The following C11orf65 variants were observed in gnomAD, a reference collection of about 807,000 sequenced individuals.
C11orf65 encodes protein MFI.
Under a neutral mutation model 35.3 loss-of-function variants are expected in C11orf65, and 38 were observed. The observed-to-expected ratio is 1.08, with a 90% CI of 0.83 to 1.41. The LOEUF is 1.41. Ranked by LOEUF, C11orf65 falls within the 40% of genes most tolerant of loss-of-function variation. The pLI is 0.00. For synonymous variants in C11orf65, 105 were observed against 114.4 expected, an observed-to-expected ratio of 0.92 and a Z score of 0.53; for missense variants, 370 against 367.1, an observed-to-expected ratio of 1.01 and a Z score of -0.06.
intron 3 of C11orf65, among the ~76,000 whole-genome samples, chr11:108,411,404 A>G (rs576060420): frequency 1.3e-5 from 2 of 152,328 alleles, no homozygotes; most frequent in Non-Finnish European, 1.5e-5. Flanking sequence ...ATTACGGGAA[A>G]CATTTTCTGT....
At chr11:108,409,415 T>A (rs993700918) in intron 3 of C11orf65, among the ~76,000 whole-genome samples, 1 of 152,194 alleles carries the variant, frequency 6.6e-6, no homozygotes, top group Non-Finnish European at 1.5e-5. Flanking sequence ...AGTATACAGA[T>A]GGCCCCGACT....
At position 108,448,826 on chromosome 11, in the gene C11orf65, A is replaced by G. The variant is rs528906439; in HGVS notation, c.81+12653T>C. ...AGGAAATAAAGGGTATTCAATTAGGAAAAGAGGAAGTCAAATTGTCCCTGT... is the reference window on the plus strand; with the variant it reads ...AGGAAATAAAGGGTATTCAATTAGGGAAAGAGGAAGTCAAATTGTCCCTGT... On this transcript the variant is annotated intron_variant, in intron 2 of 8. Coordinates refer to ENST00000393084, the MANE Select transcript of C11orf65 (RefSeq NM_152587.5). Among the ~76,000 whole-genome samples the G allele has an allele frequency of 2.0e-5, 3 of 152,298 alleles. No individual in the cohort carries two copies. The East Asian group carries it at 5.8e-4, about 29-fold the overall frequency.
chr11:108,408,562 G>A (rs1591489140), intron 3 of C11orf65, among the ~76,000 whole-genome samples: 1 of 151,594 alleles, frequency 6.6e-6, no homozygotes, highest in Non-Finnish European at 1.5e-5. Context: ...TGTAATTCCA[G>A]CTACTCTGGA....
rs1183068396 is a variant in C11orf65, at chr11:108,453,113, C to T, written c.81+8366G>A. On this transcript the variant is annotated intron_variant, in intron 2 of 8. Coordinates refer to ENST00000393084, the MANE Select transcript of C11orf65 (RefSeq NM_152587.5). ...ATGTATACATTTGTAACAACCTGCA[C>T]GTTGTGCATGTACCCTAGAACTTAA... Among the ~76,000 whole-genome samples, 4 of 1,576 alleles carry T rather than the reference C, an allele frequency of 2.5e-3. No homozygotes were observed. In the Non-Finnish European group the frequency reaches 0.038, roughly 15 times the overall value. The allele number at this position is 1,576 out of a possible 152,430, so 1.0% of individuals were successfully genotyped here.
intron 3 of C11orf65, among the ~76,000 whole-genome samples, chr11:108,408,681 A>ATAACATAAC (rs1565659726): frequency 2.5e-4 from 16 of 64,650 alleles, no homozygotes; most frequent in African/African-American, 9.7e-4. Flanking sequence ...CAATAAATAA[A>ATAACATAAC]ATAAAATAAA....
At chr11:108,347,707 G>A (rs2088627996) in intron 2 of C11orf65, among the ~76,000 whole-genome samples, 1 of 152,136 alleles carries the variant, frequency 6.6e-6, no homozygotes, top group Admixed American at 6.5e-5. Flanking sequence ...TGTGGGAGTG[G>A]TGAGACATTA....
At chr11:108,335,766 C>T in intron 2 of C11orf65, 1 of 1,154,108 alleles carries the variant, frequency 8.7e-7, no homozygotes. Flanking sequence ...TTTGAGTGCC[C>T]TTTGCTATTC....
chr11:108,415,862 AAT>A lies in C11orf65; in HGVS notation c.175-8715_175-8714del, dbSNP rs2092723165. Reference sequence around the variant, plus strand: ...GGCAAAGGCAATTTAGTGACAAAAGAATAGTCTTCAACAAATGGTGCTGGAAC... The same window carrying A: ...GGCAAAGGCAATTTAGTGACAAAAGAAGTCTTCAACAAATGGTGCTGGAAC... On this transcript the variant is annotated intron_variant, in intron 3 of 8. Transcript: ENST00000393084. Among the ~76,000 whole-genome samples the A allele has an allele frequency of 1.3e-5, 2 of 152,192 alleles. 1 individual carries two copies. The highest frequency in any genetic ancestry group is 4.1e-4 in the South Asian group (2 of 4,832).
chr11:108,379,966 T>C (rs1449681754), downstream of C11orf65, among the ~76,000 whole-genome samples: 1 of 152,158 alleles, frequency 6.6e-6, no homozygotes, highest in Non-Finnish European at 1.5e-5. Flanking sequence ...TAGATACCCA[T>C]TACATGAGAC....
intron 2 of C11orf65, chr11:108,340,093 G>C (rs1200778370): frequency 6.6e-6 from 1 of 152,188 alleles, no homozygotes; most frequent in African/African-American, 2.4e-5. Context: ...ATAATGCAAA[G>C]TGTATTGTTA....
At chr11:108,417,229 G>C (rs1282134275) in intron 3 of C11orf65, among the ~76,000 whole-genome samples, 1 of 152,054 alleles carries the variant, frequency 6.6e-6, no homozygotes, top group Non-Finnish European at 1.5e-5. Context: ...TATCCTACTG[G>C]ATAAAAAATG....
At chr11:108,393,852 G>C (rs79436290) in intron 6 of C11orf65, among the ~76,000 whole-genome samples, 3 of 152,158 alleles carry the variant, frequency 2.0e-5, no homozygotes, top group African/African-American at 7.2e-5. Context: ...CTTTGTGCCA[G>C]GTACTTTTCA....
intron 2 of C11orf65, among the ~76,000 whole-genome samples, chr11:108,459,974 T>C (rs1211939229): frequency 1.3e-5 from 2 of 152,016 alleles, no homozygotes; most frequent in Non-Finnish European, 2.9e-5. Flanking sequence ...AGAATAAGTT[T>C]TAAAAGAAGA....
intron 3 of C11orf65, among the ~76,000 whole-genome samples, chr11:108,428,991 G>T (rs2092948233): frequency 6.6e-6 from 1 of 151,706 alleles, no homozygotes; most frequent in Non-Finnish European, 1.5e-5. Context: ...TACAAAAAAT[G>T]AAAAAATTAG....
At position 108,427,988 on chromosome 11, in the gene C11orf65, G is replaced by A. The variant is rs578250221; in HGVS notation, c.174+3758C>T. Among the ~76,000 whole-genome samples the A allele has an allele frequency of 1.9e-3, 204 of 109,246 alleles. 10 individuals carry two copies. In the South Asian group the frequency reaches 0.065, roughly 35 times the overall value. The allele number at this position is 109,246 out of a possible 152,430, so 71.7% of individuals were successfully genotyped here. On this transcript the variant is annotated intron_variant, in intron 3 of 8. Transcript: ENST00000393084. The stretch of plus-strand genomic sequence containing the variant: ...TGGGACTACAGGCGCCCGCCACTAC[G>A]ACCGGCTAATTTTTTGTATTTTTAG...
chr11:108,365,975 G>C (rs1435766763), intron 2 of C11orf65: 2 of 169,718 alleles, frequency 1.2e-5, no homozygotes. Flanking sequence ...GTTGCTGTGG[G>C]CCAAAATCAT....
chr11:108,377,324 A>G (rs1288746275), intron 2 of C11orf65, among the ~76,000 whole-genome samples: 1 of 152,240 alleles, frequency 6.6e-6, no homozygotes, highest in Non-Finnish European at 1.5e-5. Flanking sequence ...GGCTGGTTCA[A>G]TGTACGCAAA....
intron 6 of C11orf65, among the ~76,000 whole-genome samples, chr11:108,393,952 T>A (rs2092237911): frequency 6.6e-6 from 1 of 152,020 alleles, no homozygotes; most frequent in Non-Finnish European, 1.5e-5. Context: ...GAGGCCAACA[T>A]GGGTGGATCA....
At chr11:108,386,974 G>A (rs949319178) in intron 7 of C11orf65, among the ~76,000 whole-genome samples, 1 of 151,690 alleles carries the variant, frequency 6.6e-6, no homozygotes, top group African/African-American at 2.4e-5. Flanking sequence ...TCAGCTACTC[G>A]GGAGGCTGAG....
Sources: gnomAD v4.1 joint callset for allele counts (sites outside exome capture counted in the v4.1 genomes callset) on GRCh38, gnomAD v4.1.1 for gene constraint, MANE v1.5 for transcripts, NCBI Gene and HGNC (gene_info 2026-07-23, HGNC 2026-07-21) for gene names.